Variants in GOSR1 observed in about 807,000 individuals in gnomAD.
GOSR1 encodes the protein 28 kDa Golgi SNARE protein.
In GOSR1, 21 loss-of-function variants were observed where a neutral mutation model predicts 35.5. That is an observed-to-expected ratio of 0.59 (90% CI 0.42 to 0.85). GOSR1 has a LOEUF of 0.85. Ranked by LOEUF, GOSR1 falls within the 40% of genes least tolerant of loss-of-function variation. The pLI, the probability that GOSR1 is intolerant of heterozygous loss-of-function variation, is 0.00. For synonymous variants in GOSR1, 94 were observed against 106.6 expected (o/e 0.88, Z 0.73); for missense variants, 285 against 309.6 (o/e 0.92, Z 0.60).
rs145839775 is a variant in GOSR1 at position 30,509,694 on chromosome 17, G to C, written c.510-1186G>C. On this transcript the variant is annotated intron_variant, in intron 6 of 8. Transcript: ENST00000451249. ...ATTTCTCCCTAAAATGGCTTTGTTTGTTTCTTTCTTTCCAGTGTGTGCTGC... is the reference window on the plus strand; with the variant it reads ...ATTTCTCCCTAAAATGGCTTTGTTTCTTTCTTTCTTTCCAGTGTGTGCTGC... Among the ~76,000 whole-genome samples, 358 of 152,032 alleles carry C rather than the reference G, an allele frequency of 2.4e-3. 14 individuals are homozygous for C. In the East Asian group the frequency reaches 0.065, roughly 28 times the overall value.
intron 7 of GOSR1, among the ~76,000 whole-genome samples, chr17:30,513,999 G>A (rs1037942146): frequency 1.3e-5 from 2 of 152,204 alleles, no homozygotes; most frequent in Non-Finnish European, 2.9e-5. Context: ...AGGTTTGAAA[G>A]CTGTTACTTT....
At chr17:30,483,283 A>G (rs956172364) in intron 2 of GOSR1, among the ~76,000 whole-genome samples, 1 of 152,198 alleles carries the variant, frequency 6.6e-6, no homozygotes, top group Non-Finnish European at 1.5e-5. Flanking sequence ...CCTGATGAAT[A>G]TATGAATACA....
At chr17:30,507,948 G>A (rs1166282657) in intron 6 of GOSR1, among the ~76,000 whole-genome samples, 1 of 152,210 alleles carries the variant, frequency 6.6e-6, no homozygotes, top group Non-Finnish European at 1.5e-5. Flanking sequence ...TGATAAAGCA[G>A]CAGAGGGGTT....
chr17:30,501,172 G>C (rs548890748), intron 6 of GOSR1, among the ~76,000 whole-genome samples: 1 of 152,054 alleles, frequency 6.6e-6, no homozygotes, highest in Non-Finnish European at 1.5e-5. Context: ...GAGCCACCGC[G>C]CCCGGCCACA....
At chr17:30,489,867 C>T (rs1346767356) in intron 4 of GOSR1, among the ~76,000 whole-genome samples, 1 of 152,096 alleles carries the variant, frequency 6.6e-6, no homozygotes, top group East Asian at 1.9e-4. Flanking sequence ...AATTCTGCCT[C>T]GTAAGACAGA....
At chr17:30,484,839 A>G (rs1478651899) in intron 4 of GOSR1, 69 bp downstream of exon 4, 8 of 799,606 alleles carry the variant, frequency 1.0e-5, no homozygotes, top group Non-Finnish European at 1.1e-5. Flanking sequence ...TAATCCCTGC[A>G]TTGGATATGT....
At chr17:30,496,143 G>A (rs145531115) in intron 6 of GOSR1, among the ~76,000 whole-genome samples, 117 of 152,222 alleles carry the variant, frequency 7.7e-4, no homozygotes, top group African/African-American at 2.7e-3. Context: ...TTAAGGGATG[G>A]AATATTTGTC....
chr17:30,517,403 GTGTT>G (rs1359304808), intron 7 of GOSR1, among the ~76,000 whole-genome samples: 1 of 152,006 alleles, frequency 6.6e-6, no homozygotes, highest in Admixed American at 6.6e-5. Context: ...ATCCCCAAGG[GTGTT>G]TGTTTCTGAA....
At chr17:30,492,835 T>G (rs908317739) in intron 6 of GOSR1, 82 bp downstream of exon 6, 2 of 825,648 alleles carry the variant, frequency 2.4e-6, no homozygotes, top group Non-Finnish European at 4.3e-6. Flanking sequence ...TTTATGATGT[T>G]TATTATACTG....
chr17:30,489,221 T>G (rs1168169193), intron 4 of GOSR1, among the ~76,000 whole-genome samples: 1 of 151,980 alleles, frequency 6.6e-6, no homozygotes, highest in Non-Finnish European at 1.5e-5. Context: ...CCATCTCTAT[T>G]AAAAATACAA....
intron 3 of GOSR1, 27 bp downstream of exon 3, chr17:30,484,328 T>C (rs1914541544): frequency 2.4e-6 from 3 of 1,250,960 alleles, no homozygotes; most frequent in African/African-American, 2.9e-5. Flanking sequence ...AAATGGCTAT[T>C]TTGCAAATAA....
chr17:30,489,508 T>C (rs1023547622), intron 4 of GOSR1, among the ~76,000 whole-genome samples: 2 of 152,260 alleles, frequency 1.3e-5, no homozygotes, highest in African/African-American at 4.8e-5. Flanking sequence ...GCTCTTTTAA[T>C]ATTCTCCTCC....
chr17:30,504,026 CTTTT>C (rs535749512), intron 6 of GOSR1, among the ~76,000 whole-genome samples: 1 of 137,194 alleles, frequency 7.3e-6, no homozygotes. Flanking sequence ...TTTCATTTAA[CTTTT>C]TTTTTTTTTT....
chr17:30,522,388 T>C lies in GOSR1; in HGVS notation c.*10T>C. 3 of 1,551,506 alleles carry C rather than the reference T, an allele frequency of 1.9e-6. No homozygotes were observed. Among genetic ancestry groups the C allele is most frequent in the South Asian group, 1.2e-5 (1 of 80,268 alleles). Reference sequence around the variant, plus strand: ...GTATGCGTTCCATTGATGGGACATCTTCAGGGACTCTTGACAGCCACCGCT... The same window carrying C: ...GTATGCGTTCCATTGATGGGACATCCTCAGGGACTCTTGACAGCCACCGCT... On this transcript the variant is annotated 3_prime_UTR_variant, in exon 9 of 9. Coordinates refer to ENST00000451249, the MANE Select transcript of GOSR1 (RefSeq NM_001007025.2).
intron 7 of GOSR1, among the ~76,000 whole-genome samples, chr17:30,513,018 T>C (rs1967668458): frequency 6.6e-6 from 1 of 151,890 alleles, no homozygotes; most frequent in African/African-American, 2.4e-5. Context: ...TGTTTCAAAA[T>C]ATGATAGGCA....
rs1428241955 is a variant in GOSR1, at chr17:30,527,311, G to GC, written c.*4935dup. On this transcript the variant is annotated 3_prime_UTR_variant, in exon 9 of 9. Transcript: ENST00000451249. ...CAAGGCTGCAGTAAGCAACGATTGT[G>GC]CCACTGTACTCCAGCCTGGGTGACA... is the stretch of plus-strand genomic sequence containing the variant. 2 of 152,232 alleles carry GC rather than the reference G, an allele frequency of 1.3e-5. No homozygotes were observed. Among genetic ancestry groups the GC allele is most frequent in the Admixed American group, 6.5e-5 (1 of 15,286 alleles). The allele number at this position is 152,232 out of a possible 1,614,324, so 9.4% of individuals were successfully genotyped here.
intron 6 of GOSR1, among the ~76,000 whole-genome samples, chr17:30,507,172 G>A (rs1470499260): frequency 6.6e-6 from 1 of 152,146 alleles, no homozygotes; most frequent in African/African-American, 2.4e-5. Flanking sequence ...AATACATTTT[G>A]CAAGGCTAAA....
At chr17:30,511,047 G>A (rs932044135) in intron 7 of GOSR1, 138 bp downstream of exon 7, 1 of 514,286 alleles carries the variant, frequency 1.9e-6, no homozygotes, top group Non-Finnish European at 3.5e-6. Context: ...CCTCCTTAAA[G>A]ATGAAATTTT....
chr17:30,503,912 T>G (rs766530202), intron 6 of GOSR1, among the ~76,000 whole-genome samples: 3 of 152,198 alleles, frequency 2.0e-5, no homozygotes, highest in South Asian at 2.1e-4. Flanking sequence ...TTTTAGGACT[T>G]AATAAAAGAT....
Sources: gnomAD v4.1 joint callset for allele counts (sites outside exome capture counted in the v4.1 genomes callset) on GRCh38, gnomAD v4.1.1 for gene constraint, MANE v1.5 for transcripts, NCBI Gene and HGNC (gene_info 2026-07-23, HGNC 2026-07-21) for gene names.